Variants in NPHP4 observed in about 807,000 individuals in gnomAD.
The protein encoded by NPHP4 is nephrocystin-4.
In NPHP4, 151 loss-of-function variants were observed where a neutral mutation model predicts 155.8. The observed-to-expected ratio is 0.97, with a 90% CI of 0.85 to 1.11. The LOEUF (loss-of-function observed/expected upper bound fraction) is 1.11, where lower values mean the gene tolerates loss of function less well. Among genes scored for constraint, NPHP4 ranks in the 50% least tolerant of loss-of-function variants. The pLI, the probability that NPHP4 is intolerant of heterozygous loss-of-function variation, is 0.00. For synonymous variants in NPHP4, 845 were observed against 816.8 expected (o/e 1.03, Z -0.59); for missense variants, 1,956 against 1,925.7 (o/e 1.02, Z -0.29).
At chr1:5,920,077 G>T (rs774058454) in intron 11 of NPHP4, among the ~76,000 whole-genome samples, 3 of 152,122 alleles carry the variant, frequency 2.0e-5, no homozygotes, top group African/African-American at 7.2e-5. Context: ...GACTACAGGC[G>T]CGTGCCACCA....
At chr1:5,968,680 A>G (rs1443753258) in intron 4 of NPHP4, among the ~76,000 whole-genome samples, 1 of 152,142 alleles carries the variant, frequency 6.6e-6, no homozygotes, top group Non-Finnish European at 1.5e-5. Flanking sequence ...TTAGATGACA[A>G]ATGTACAGCC....
chr1:5,906,991 T>C (rs115400440), intron 13 of NPHP4, 124 bp downstream of exon 13: 1 of 509,448 alleles, frequency 2.0e-6, no homozygotes, highest in African/African-American at 2.0e-5. Context: ...CCCACCCACA[T>C]CCCAGGTAAC....
intron 16 of NPHP4, among the ~76,000 whole-genome samples, chr1:5,895,120 G>T (rs1644328498): frequency 6.6e-6 from 1 of 151,958 alleles, no homozygotes; most frequent in African/African-American, 2.4e-5. Context: ...CTCATAGGTG[G>T]GAACTGAACA....
intron 20 of NPHP4, 131 bp from the exon 21 acceptor site, chr1:5,875,231 C>G (rs893936292): frequency 1.3e-5 from 10 of 744,160 alleles, no homozygotes; most frequent in African/African-American, 1.0e-4. Flanking sequence ...CCACCACCCC[C>G]TTCCTTGACC....
chr1:5,868,436 C>T (rs1028879954), intron 23 of NPHP4: 1 of 249,068 alleles, frequency 4.0e-6, no homozygotes, highest in African/African-American at 2.2e-5. Context: ...ACCATATTGT[C>T]TGAAGAGGTA....
intron 10 of NPHP4, among the ~76,000 whole-genome samples, chr1:5,932,136 G>A (rs1646309919): frequency 6.6e-6 from 1 of 152,174 alleles, no homozygotes; most frequent in Non-Finnish European, 1.5e-5. Context: ...TTTGCTAGTG[G>A]AGGGTTGTGC....
intron 18 of NPHP4, chr1:5,881,392 G>C (rs775987525): frequency 6.6e-6 from 1 of 152,248 alleles, no homozygotes; most frequent in Non-Finnish European, 1.5e-5. Context: ...GGGAGTGCCC[G>C]TCCTACCAAG....
chr1:5,933,317 T>G lies in NPHP4; in HGVS notation c.1132A>C (p.Thr378Pro). The G allele has an allele frequency of 6.2e-7, 1 of 1,612,424 alleles. No individual in the cohort carries two copies. Among genetic ancestry groups the G allele is most frequent in the Non-Finnish European group, 8.5e-7 (1 of 1,179,660 alleles). Residue 378 changes from threonine to proline, a missense_variant, in exon 10 of 30, where the codon ACC becomes CCC. By Grantham distance (38) the Thr-to-Pro change is conservative. Coordinates refer to ENST00000378156, the MANE Select transcript of NPHP4 (RefSeq NM_015102.5). ...ATGCATGCCAGGTTGGACAGAGAGG[T>G]GACCGAAGCTGCCTAGAATTAAAAC... is the stretch of plus-strand genomic sequence containing the variant. Reference protein sequence around the residue: ...AGVDGNAASVTSLSNLACMHM... With the variant: ...AGVDGNAASVPSLSNLACMHM...
intron 9 of NPHP4, among the ~76,000 whole-genome samples, chr1:5,935,736 A>G (rs1171699986): frequency 2.0e-5 from 3 of 152,150 alleles, no homozygotes; most frequent in Admixed American, 2.0e-4. Context: ...TCAGCTGGGC[A>G]TGGTTGTAGG....
chr1:5,901,144 A>G (rs1644660757), intron 16 of NPHP4, among the ~76,000 whole-genome samples: 1 of 152,240 alleles, frequency 6.6e-6, no homozygotes, highest in Non-Finnish European at 1.5e-5. Context: ...TCTCTGTACC[A>G]GCTACTCAAT....
At position 5,967,379 on chromosome 1, in the gene NPHP4, C is replaced by T; in HGVS notation, c.453-16G>A. ...CAGCCGCAACCTGGAAGACAGGACC[C>T]AGAGAACAGTCGTCAGCCACGTGCG... is the stretch of plus-strand genomic sequence containing the variant. On this transcript the variant is annotated splice_polypyrimidine_tract_variant and intron_variant, in intron 4 of 29. Coordinates refer to ENST00000378156, the MANE Select transcript of NPHP4 (RefSeq NM_015102.5). 6.3e-7 allele frequency: 1 copy of T among 1,598,662 alleles called. No homozygotes were observed. The highest frequency in any genetic ancestry group is 8.5e-7 in the Non-Finnish European group (1 of 1,172,678).
rs933029918 is a variant in NPHP4 at position 5,889,540 on chromosome 1, G to A, written c.2304+1328C>T. Among the ~76,000 whole-genome samples, 4 of 152,120 alleles carry A rather than the reference G, an allele frequency of 2.6e-5. No homozygotes were observed. The highest frequency in any genetic ancestry group is 2.1e-4 in the South Asian group (1 of 4,834). On this transcript the variant is annotated intron_variant, in intron 17 of 29. Coordinates refer to ENST00000378156, the MANE Select transcript of NPHP4 (RefSeq NM_015102.5). This position sits in a 1 kb window ranked among gnomAD's most constrained non-coding sequence, Gnocchi z 4.2. ...ACAGCAAAGAGGGGGCACAAGGCTC[G>A]GCTGGGCACGACAGGGGAGCCACTG...
intron 16 of NPHP4, among the ~76,000 whole-genome samples, chr1:5,894,336 C>T (rs540499653): frequency 6.6e-6 from 1 of 151,976 alleles, no homozygotes; most frequent in East Asian, 1.9e-4. Flanking sequence ...TGCCTGTAGC[C>T]CCAGCTACTC....
intron 12 of NPHP4, among the ~76,000 whole-genome samples, chr1:5,907,989 C>T (rs17028879): frequency 0.024 from 3,655 of 152,282 alleles, 93 homozygotes; most frequent in Middle Eastern, 0.088. Flanking sequence ...ATCTCAAACC[C>T]GGACTCTAAC....
chr1:5,881,966 TG>T (rs947762299), intron 18 of NPHP4: 9 of 152,270 alleles, frequency 5.9e-5, no homozygotes, highest in Admixed American at 1.3e-4. Flanking sequence ...CAGAATTCCC[TG>T]GCTCAGCGCC....
At chr1:5,975,204 G>T (rs942468873) in intron 3 of NPHP4, among the ~76,000 whole-genome samples, 1 of 151,866 alleles carries the variant, frequency 6.6e-6, no homozygotes, top group African/African-American at 2.4e-5. Context: ...GTGCACACAT[G>T]TTTGCACACA....
chr1:5,980,080 C>T (rs577544210), intron 2 of NPHP4, among the ~76,000 whole-genome samples: 17 of 152,264 alleles, frequency 1.1e-4, no homozygotes, highest in African/African-American at 3.4e-4. Context: ...TCAGAGACCA[C>T]GACATGACTC....
intron 11 of NPHP4, among the ~76,000 whole-genome samples, chr1:5,921,882 C>A (rs886766524): frequency 6.6e-6 from 1 of 152,228 alleles, no homozygotes; most frequent in Non-Finnish European, 1.5e-5. Context: ...CACGCCACAC[C>A]ATTTACTGAC....
At chr1:5,896,272 G>A (rs1202382884) in intron 16 of NPHP4, among the ~76,000 whole-genome samples, 3 of 152,104 alleles carry the variant, frequency 2.0e-5, no homozygotes, top group Admixed American at 6.5e-5. Flanking sequence ...CATGTAAATA[G>A]TCCAAAAAAA....
Sources: allele counts gnomAD v4.1 joint callset (sites outside exome capture counted in the v4.1 genomes callset), GRCh38; gene constraint gnomAD v4.1.1; non-coding constraint Gnocchi (gnomAD v3.1); transcripts MANE v1.5; gene names NCBI Gene and HGNC (gene_info 2026-07-23, HGNC 2026-07-21).